The following HKDC1 variants were observed in gnomAD, a reference collection of about 807,000 sequenced individuals.
The protein encoded by HKDC1 is hexokinase HKDC1.
HKDC1 carries 66 observed loss-of-function variants against 96.6 expected under a neutral mutation model. The ratio of observed to expected loss-of-function variants is 0.68; its 90% confidence interval spans 0.56 to 0.84. The LOEUF is 0.84. HKDC1 is among the 40% of genes least tolerant of loss of function. HKDC1 has a pLI of 0.00. For synonymous variants in HKDC1, 466 were observed against 473.1 expected (o/e 0.98, Z 0.20); for missense variants, 1,211 against 1,208.1 (o/e 1.00, Z -0.04).
intron 9 of HKDC1, 128 bp downstream of exon 9, chr10:69,247,721 C>A (rs1843565041): frequency 1.4e-6 from 1 of 725,726 alleles, no homozygotes; most frequent in Admixed American, 2.8e-5. Context: ...TCTGAGATTA[C>A]AAGGGAAAAG....
At position 69,258,759 on chromosome 10, in the gene HKDC1, T is replaced by C; in HGVS notation, c.2033-17T>C. On this transcript the variant is annotated splice_polypyrimidine_tract_variant and intron_variant, in intron 14 of 17. Coordinates refer to ENST00000354624, the MANE Select transcript of HKDC1 (RefSeq NM_025130.4). ...TGATGTCTTTGAAGACTAAGGTTCC[T>C]TCACAATTCCTTCTAGGAACAGGCA... 6.2e-7 allele frequency: 1 copy of C among 1,613,970 alleles called. No individual in the cohort carries two copies. Among genetic ancestry groups the C allele is most frequent in the Non-Finnish European group, 8.5e-7 (1 of 1,179,912 alleles).
At chr10:69,225,655 C>T (rs749594875) in intron 1 of HKDC1, among the ~76,000 whole-genome samples, 12 of 152,102 alleles carry the variant, frequency 7.9e-5, no homozygotes, top group East Asian at 3.9e-4. Flanking sequence ...CCTGTCCTAG[C>T]GCGAAGGTAA....
intron 4 of HKDC1, among the ~76,000 whole-genome samples, chr10:69,235,188 G>A (rs189728141): frequency 1.1e-4 from 16 of 152,284 alleles, no homozygotes; most frequent in Admixed American, 6.5e-4. Context: ...TTGGGAGGCC[G>A]AGGGGGGCAG....
At chr10:69,237,846 G>T (rs982911422) in intron 4 of HKDC1, among the ~76,000 whole-genome samples, 1 of 152,142 alleles carries the variant, frequency 6.6e-6, no homozygotes, top group Admixed American at 6.5e-5. Flanking sequence ...CTTCACTCGC[G>T]GTGAAATTCA....
chr10:69,247,974 A>C (rs1357843337), intron 9 of HKDC1, among the ~76,000 whole-genome samples: 2 of 152,160 alleles, frequency 1.3e-5, no homozygotes, highest in Admixed American at 6.5e-5. Context: ...AGATGGGGAA[A>C]AATAGAGATG....
chr10:69,228,108 AT>A (rs1843191177), intron 2 of HKDC1, among the ~76,000 whole-genome samples: 1 of 152,162 alleles, frequency 6.6e-6, no homozygotes, highest in Admixed American at 6.5e-5. Flanking sequence ...CTGGGCCAAA[AT>A]TCAGGTGTCG....
Position 69,227,281 on chromosome 10 carries a change from G to A in HKDC1, c.138G>A (p.Glu46=). Residue 46 remains glutamate, a synonymous_variant, in exon 2 of 18, where the codon GAG becomes GAA. Transcript: ENST00000354624. ...LLDIMRRFRA[E]MEKGLAKDTN... is the part of the protein sequence containing the mutation. ...ACATCATGAGGCGGTTCCGGGCTGA[G>A]ATGGAGAAGGGCCTGGCAAAGGACA... 1.2e-6 allele frequency: 2 copies of A among 1,614,216 alleles called. No homozygotes were observed. Among genetic ancestry groups the A allele is most frequent in the South Asian group, 2.2e-5 (2 of 91,088 alleles).
At chr10:69,232,616 C>A in intron 2 of HKDC1, 148 bp from the exon 3 acceptor site, 1 of 741,002 alleles carries the variant, frequency 1.3e-6, no homozygotes, top group South Asian at 1.8e-5. Context: ...TGAGAAATGG[C>A]CAGAGTCCTC....
rs775110223 is a variant in HKDC1 at position 69,239,090 on chromosome 10, G to C, written c.544G>C (p.Asp182His). Residue 182 changes from aspartate (D) to histidine (H), a missense_variant, in exon 5 of 18, where the codon GAC becomes CAC. Coordinates refer to ENST00000354624, the MANE Select transcript of HKDC1 (RefSeq NM_025130.4). Reference protein sequence around the residue: ...TKKFKARGVQDTDVVSRLTKA... With the variant: ...TKKFKARGVQHTDVVSRLTKA... ...AAAGTTTAAGGCACGAGGAGTTCAG[G>C]ACACGGATGTGGTGAGCCGTCTGAC... The C allele has an allele frequency of 6.2e-7, 1 of 1,613,862 alleles. No individual in the cohort carries two copies. Among genetic ancestry groups the C allele is most frequent in the African/African-American group, 1.3e-5 (1 of 74,918 alleles).
intron 12 of HKDC1, 136 bp from the exon 13 acceptor site, chr10:69,256,900 G>A (rs959943294): frequency 1.5e-6 from 1 of 674,996 alleles, no homozygotes; most frequent in African/African-American, 1.8e-5. Flanking sequence ...TTAGGGTTGT[G>A]GAGGTGGAGG....
intron 2 of HKDC1, among the ~76,000 whole-genome samples, chr10:69,231,275 C>A (rs990162631): frequency 6.6e-6 from 1 of 152,120 alleles, no homozygotes; most frequent in Non-Finnish European, 1.5e-5. Context: ...CTTGGCACTC[C>A]CTAGCTTAAA....
Position 69,246,154 on chromosome 10 carries a change from C to A in HKDC1, c.951C>A (p.Gly317=). 6.2e-7 allele frequency: 1 copy of A among 1,614,216 alleles called. No individual in the cohort carries two copies. The highest frequency in any genetic ancestry group is 8.5e-7 in the Non-Finnish European group (1 of 1,180,032). Residue 317 remains glycine (G), a synonymous_variant, in exon 8 of 18, where the codon GGC becomes GGA. Coordinates refer to ENST00000354624, the MANE Select transcript of HKDC1 (RefSeq NM_025130.4). The part of the protein sequence containing the change: ...RLILLKMAKA[G]LLFGGEKSSA... ...TCTTGCTGAAGATGGCCAAGGCTGG[C>A]CTCCTGTTTGGTGGTGAGAAATCTT... is the stretch of plus-strand genomic sequence containing the variant.
chr10:69,260,217 T>C (rs1030957303), intron 15 of HKDC1, among the ~76,000 whole-genome samples: 4 of 152,188 alleles, frequency 2.6e-5, no homozygotes, highest in Non-Finnish European at 4.4e-5. Context: ...GAGAATGTTG[T>C]CTAGGAAGAG....
intron 14 of HKDC1, among the ~76,000 whole-genome samples, chr10:69,257,687 G>GT (rs556633751): frequency 7.1e-6 from 1 of 141,076 alleles, no homozygotes; most frequent in African/African-American, 3.1e-5. Context: ...AATTGTCATG[G>GT]GGGGGGGAAG....
intron 1 of HKDC1, among the ~76,000 whole-genome samples, chr10:69,225,374 G>C (rs1319064451): frequency 2.0e-5 from 3 of 152,148 alleles, no homozygotes; most frequent in Admixed American, 2.0e-4. Flanking sequence ...CAGTTTTCTC[G>C]GCTTGTGTGT....
At chr10:69,234,520 G>A (rs557853253) in intron 4 of HKDC1, among the ~76,000 whole-genome samples, 2 of 152,250 alleles carry the variant, frequency 1.3e-5, no homozygotes, top group South Asian at 2.1e-4. Flanking sequence ...CTCCCAAAGC[G>A]TTGGGATTAC....
chr10:69,241,817 G>A (rs1308145547), intron 6 of HKDC1, among the ~76,000 whole-genome samples: 1 of 152,166 alleles, frequency 6.6e-6, no homozygotes, highest in Non-Finnish European at 1.5e-5. Context: ...CATTTTGGCT[G>A]CTGTGTGGAT....
At chr10:69,243,148 T>C in intron 6 of HKDC1, 34 bp from the exon 7 acceptor site, 1 of 1,609,760 alleles carries the variant, frequency 6.2e-7, no homozygotes, top group Non-Finnish European at 8.5e-7. Flanking sequence ...CTGGGAGTCC[T>C]CTCTCTGCAT....
intron 12 of HKDC1, among the ~76,000 whole-genome samples, chr10:69,255,916 C>A (rs78104686): frequency 2.1e-5 from 3 of 140,426 alleles, no homozygotes; most frequent in East Asian, 2.1e-4. Flanking sequence ...GAATCTGTGT[C>A]AAAAAAAAAA....
Sources: allele counts gnomAD v4.1 joint callset (sites outside exome capture counted in the v4.1 genomes callset), GRCh38; gene constraint gnomAD v4.1.1; transcripts MANE v1.5; gene names NCBI Gene and HGNC (gene_info 2026-07-23, HGNC 2026-07-21).